AXDND1: variants seen among roughly 807,000 people sequenced by gnomAD.
AXDND1 encodes axonemal dynein light chain domain containing 1, also known as axonemal dynein light chain domain-containing protein 1.
AXDND1 carries 110 observed loss-of-function variants against 137.5 expected under a neutral mutation model. That is an observed-to-expected ratio of 0.80 (90% CI 0.69 to 0.94). The LOEUF (loss-of-function observed/expected upper bound fraction) is 0.94, where lower values mean the gene tolerates loss of function less well. AXDND1 is among the 40% of genes least tolerant of loss of function. The pLI is 0.00. For synonymous variants in AXDND1, 414 were observed against 399.7 expected, an observed-to-expected ratio of 1.04 and a Z score of -0.43; for missense variants, 1,191 against 1,169.8, an observed-to-expected ratio of 1.02 and a Z score of -0.26.
intron 20 of AXDND1, among the ~76,000 whole-genome samples, chr1:179,498,661 A>G (rs1377319012): frequency 6.6e-6 from 1 of 152,162 alleles, no homozygotes; most frequent in Non-Finnish European, 1.5e-5. Context: ...ATAGGGGAAG[A>G]TATTTGCAAA....
chr1:179,554,100 A>G (rs1293148506), intron 25 of AXDND1, among the ~76,000 whole-genome samples: 1 of 152,010 alleles, frequency 6.6e-6, no homozygotes, highest in African/African-American at 2.4e-5. Context: ...TTTAGTAGAG[A>G]CAAGAGTTAC....
intron 16 of AXDND1, among the ~76,000 whole-genome samples, chr1:179,463,316 G>C (rs1051614214): frequency 6.6e-6 from 1 of 152,144 alleles, no homozygotes; most frequent in Non-Finnish European, 1.5e-5. Context: ...CTGGTATGTT[G>C]TGTCTTTGTT....
At chr1:179,444,029 T>C (rs1659367644) in intron 15 of AXDND1, among the ~76,000 whole-genome samples, 1 of 151,184 alleles carries the variant, frequency 6.6e-6, no homozygotes, top group South Asian at 2.1e-4. Context: ...TCCTGTTCTA[T>C]ATACAACATG....
At chr1:179,375,566 GTACA>G (rs1268972865) in intron 4 of AXDND1, among the ~76,000 whole-genome samples, 1 of 150,278 alleles carries the variant, frequency 6.7e-6, no homozygotes, top group Non-Finnish European at 1.5e-5. Flanking sequence ...ACACATATAT[GTACA>G]TACATATATG....
Position 179,549,475 on chromosome 1 carries a change from A to T in AXDND1, c.3032-5037A>T, listed in dbSNP as rs1271545597. Among the ~76,000 whole-genome samples the T allele has an allele frequency of 2.6e-5, 4 of 152,204 alleles. No individual in the cohort carries two copies. In the South Asian group the frequency reaches 6.2e-4, roughly 24 times the overall value. Reference sequence around the variant, plus strand: ...ACATCAGAGGAAACCAAACAATAGGAGATACCATAGGCACTCCCCAGATAT... The same window carrying T: ...ACATCAGAGGAAACCAAACAATAGGTGATACCATAGGCACTCCCCAGATAT... On this transcript the variant is annotated intron_variant, in intron 25 of 25. Coordinates refer to ENST00000367618, the MANE Select transcript of AXDND1 (RefSeq NM_144696.6).
At chr1:179,379,848 C>T (rs1647949907) in intron 6 of AXDND1, among the ~76,000 whole-genome samples, 5 of 151,430 alleles carry the variant, frequency 3.3e-5, no homozygotes, top group Admixed American at 3.3e-4. Context: ...GAACTGTTTC[C>T]TCCTTCCCAT....
chr1:179,366,520 C>T lies in AXDND1; in HGVS notation c.11C>T (p.Pro4Leu). 1.9e-6 allele frequency: 3 copies of T among 1,612,736 alleles called. No homozygotes were observed. Among genetic ancestry groups the T allele is most frequent in the African/African-American group, 1.3e-5 (1 of 74,936 alleles). ...GAGGCATTGTTTATTATGTCTCTCC[C>T]GAAAACGCCCTCCACCCCGCTAAAC... MSL[P>L]KTPSTPLNST... Residue 4 changes from proline (P) to leucine (L), a missense_variant, in exon 2 of 26, where the codon CCG (proline) becomes CTG (leucine). Transcript: ENST00000367618.
intron 18 of AXDND1, among the ~76,000 whole-genome samples, chr1:179,490,760 TTG>T (rs1300298187): frequency 2.0e-5 from 1 of 50,684 alleles, no homozygotes; most frequent in East Asian, 6.3e-4. Flanking sequence ...CACACAGTAC[TTG>T]TTTTTTTTTT....
At chr1:179,500,337 ATGTGTGTGTGTGTGTGTG>A (rs57654195) in intron 20 of AXDND1, among the ~76,000 whole-genome samples, 3 of 133,816 alleles carry the variant, frequency 2.2e-5, no homozygotes, top group East Asian at 2.2e-4. Context: ...AGGGTACATT[ATGTGTGTGTGTGTGTGTG>A]TGTGTGTGTG....
intron 21 of AXDND1, among the ~76,000 whole-genome samples, chr1:179,519,080 A>G (rs982933194): frequency 1.3e-5 from 2 of 152,196 alleles, no homozygotes; most frequent in African/African-American, 4.8e-5. Flanking sequence ...AATAGTTGCC[A>G]TTCTGACTGG....
chr1:179,393,828 C>T (rs983035862), intron 9 of AXDND1, 75 bp from the exon 10 acceptor site: 6 of 1,374,602 alleles, frequency 4.4e-6, no homozygotes. Flanking sequence ...GATTTGTGTA[C>T]ATTGATTTTG....
intron 21 of AXDND1, among the ~76,000 whole-genome samples, chr1:179,517,461 G>C (rs1429145753): frequency 6.6e-6 from 1 of 152,202 alleles, no homozygotes; most frequent in Non-Finnish European, 1.5e-5. Context: ...CTGAGTTCTA[G>C]CGGGAGGCAC....
At chr1:179,523,400 C>G (rs1241014523) in intron 21 of AXDND1, among the ~76,000 whole-genome samples, 4 of 152,086 alleles carry the variant, frequency 2.6e-5, no homozygotes, top group Non-Finnish European at 5.9e-5. Context: ...TATTGAGACA[C>G]AATTCATGTA....
At chr1:179,471,920 A>T (rs1663987185) in intron 17 of AXDND1, among the ~76,000 whole-genome samples, 1 of 149,046 alleles carries the variant, frequency 6.7e-6, no homozygotes. Flanking sequence ...TTTGAGATGG[A>T]GTCTCGCTCT....
At chr1:179,418,928 C>T (rs1006167699) in intron 12 of AXDND1, among the ~76,000 whole-genome samples, 3 of 151,824 alleles carry the variant, frequency 2.0e-5, no homozygotes, top group Non-Finnish European at 4.4e-5. Context: ...ACGCTCCTCA[C>T]CTCCCAGACG....
chr1:179,413,062 T>C (rs1051867588), intron 12 of AXDND1, among the ~76,000 whole-genome samples: 1 of 152,202 alleles, frequency 6.6e-6, no homozygotes, highest in Admixed American at 6.5e-5. Context: ...TTTACTTTAT[T>C]AACATATTAC....
chr1:179,418,624 C>T (rs1277457563), intron 12 of AXDND1, among the ~76,000 whole-genome samples: 2 of 149,078 alleles, frequency 1.3e-5, no homozygotes, highest in Admixed American at 6.6e-5. Flanking sequence ...GGGGGCTGAC[C>T]CCCGCACCTC....
intron 9 of AXDND1, among the ~76,000 whole-genome samples, chr1:179,386,613 C>T (rs898392853): frequency 1.3e-5 from 2 of 152,024 alleles, no homozygotes; most frequent in Admixed American, 1.3e-4. Context: ...CACATTTTTG[C>T]TCTTTTCTAT....
chr1:179,493,038 C>A, intron 20 of AXDND1, 87 bp downstream of exon 20: 1 of 862,838 alleles, frequency 1.2e-6, no homozygotes, highest in Non-Finnish European at 1.8e-6. Context: ...ACAACAAGCT[C>A]ACATATTTAA....
Sources: gnomAD v4.1 joint callset for allele counts (sites outside exome capture counted in the v4.1 genomes callset) on GRCh38, gnomAD v4.1.1 for gene constraint, MANE v1.5 for transcripts, NCBI Gene and HGNC (gene_info 2026-07-23, HGNC 2026-07-21) for gene names.